SPRED2: variants seen among roughly 807,000 people sequenced by gnomAD.
SPRED2 encodes the protein sprouty related EVH1 domain containing 2, also known as sprouty-related, EVH1 domain-containing protein 2.
Under a neutral mutation model 43.0 loss-of-function variants are expected in SPRED2, and 47 were observed. The observed-to-expected ratio is 1.09, with a 90% CI of 0.87 to 1.40. The LOEUF is 1.40. Among genes scored for constraint, SPRED2 ranks in the 40% most tolerant of loss-of-function variants. The pLI, the probability that SPRED2 is intolerant of heterozygous loss-of-function variation, is 0.00. For missense variants in SPRED2, 561 were observed against 586.4 expected (o/e 0.96, Z 0.45); for synonymous variants, 225 against 225.7 (o/e 1.00, Z 0.03).
chr2:65,360,069 A>AC (rs1443414020), intron 1 of SPRED2, among the ~76,000 whole-genome samples: 1,351 of 123,158 alleles, frequency 0.011, 17 homozygotes, highest in African/African-American at 0.034. Flanking sequence ...CATCTCAAAA[A>AC]AAAAAAAAAC....
At chr2:65,316,627 G>T in intron 5 of SPRED2, 107 bp downstream of exon 5, 1 of 1,344,482 alleles carries the variant, frequency 7.4e-7, no homozygotes. Context: ...GGCAGGAGCA[G>T]GAGAGGCCTG....
chr2:65,407,995 T>G (rs1435801246), intron 1 of SPRED2, among the ~76,000 whole-genome samples: 1 of 152,200 alleles, frequency 6.6e-6, no homozygotes, highest in Non-Finnish European at 1.5e-5. Context: ...TAGAGAGGCA[T>G]TCCCTAATAG....
chr2:65,422,881 C>T (rs906088883), intron 1 of SPRED2, among the ~76,000 whole-genome samples: 2 of 152,160 alleles, frequency 1.3e-5, no homozygotes, highest in African/African-American at 4.8e-5. Flanking sequence ...TGAGCCCAGG[C>T]ACATCATTCT....
intron 1 of SPRED2, among the ~76,000 whole-genome samples, chr2:65,353,427 T>C (rs1040088310): frequency 7.9e-5 from 12 of 152,206 alleles, no homozygotes; most frequent in Non-Finnish European, 1.6e-4. Context: ...TTTCCTCCAT[T>C]ATCATGGAAG....
At chr2:65,387,037 G>A (rs1330024017) in intron 1 of SPRED2, among the ~76,000 whole-genome samples, 3 of 149,600 alleles carry the variant, frequency 2.0e-5, no homozygotes, top group Non-Finnish European at 4.4e-5. Flanking sequence ...ACACTTCAAC[G>A]TAAAGTATTC....
chr2:65,321,782 C>T (rs1673420714), intron 4 of SPRED2, among the ~76,000 whole-genome samples: 2 of 152,050 alleles, frequency 1.3e-5, no homozygotes, highest in African/African-American at 2.4e-5. Context: ...TTTTGCTATA[C>T]ATTTTTTTGA....
At chr2:65,342,369 ATATG>A (rs1468471326) in intron 2 of SPRED2, among the ~76,000 whole-genome samples, 4 of 145,136 alleles carry the variant, frequency 2.8e-5, no homozygotes, top group African/African-American at 5.0e-5. Flanking sequence ...TACGTATATT[ATATG>A]TATGTATATT....
At chr2:65,377,954 CAGA>C in intron 1 of SPRED2, 1 of 287,934 alleles carries the variant, frequency 3.5e-6, no homozygotes, top group Non-Finnish European at 7.0e-6. Flanking sequence ...TGCCTTCAGG[CAGA>C]AGCAGAGCAC....
intron 4 of SPRED2, among the ~76,000 whole-genome samples, chr2:65,330,585 T>C (rs1673782233): frequency 6.6e-6 from 1 of 152,152 alleles, no homozygotes; most frequent in African/African-American, 2.4e-5. Flanking sequence ...CCCACCACGG[T>C]GGTACATTTG....
At chr2:65,386,628 T>A (rs1675508573) in intron 1 of SPRED2, among the ~76,000 whole-genome samples, 1 of 152,200 alleles carries the variant, frequency 6.6e-6, no homozygotes, top group African/African-American at 2.4e-5. Context: ...CAAATATACA[T>A]CATCTTCATC....
Position 65,312,108 on chromosome 2 carries a change from T to C in SPRED2, c.*1393A>G. ...TTTCTTCTTTCTTCAATAAGAAGAT[T>C]TGGCTAATCCTTGCAACGTATTAGA... On this transcript the variant is annotated 3_prime_UTR_variant, in exon 6 of 6. Coordinates refer to ENST00000356388, the MANE Select transcript of SPRED2 (RefSeq NM_181784.3). The C allele has an allele frequency of 1.0e-6, 1 of 985,438 alleles. No homozygotes were observed. Among genetic ancestry groups the C allele is most frequent in the Non-Finnish European group, 1.2e-6 (1 of 829,916 alleles). 61.0% of individuals were successfully genotyped at this position (985,438 alleles called of 1,614,324 possible).
At chr2:65,316,163 A>G (rs576736118) in intron 5 of SPRED2, among the ~76,000 whole-genome samples, 92 of 152,304 alleles carry the variant, frequency 6.0e-4, no homozygotes, top group Admixed American at 1.4e-3. Flanking sequence ...ATGATTTGGG[A>G]ACTTGCTCTG....
rs758144211 is a variant in SPRED2 at position 65,313,476 on chromosome 2, G to T, written c.*25C>A. 3.0e-5 allele frequency: 47 copies of T among 1,575,448 alleles called. No homozygotes were observed. In the Admixed American group the frequency reaches 4.8e-4, roughly 16 times the overall value. On this transcript the variant is annotated 3_prime_UTR_variant, in exon 6 of 6. Coordinates refer to ENST00000356388, the MANE Select transcript of SPRED2 (RefSeq NM_181784.3). ...GACGAGTTCCCCTGTGGCTGCGGATGGAGGGAGAAGGGAGGGAAACTGAGT... is the reference window on the plus strand; with the variant it reads ...GACGAGTTCCCCTGTGGCTGCGGATTGAGGGAGAAGGGAGGGAAACTGAGT...
intron 5 of SPRED2, among the ~76,000 whole-genome samples, chr2:65,314,883 G>C (rs1489830496): frequency 6.6e-6 from 1 of 152,188 alleles, no homozygotes; most frequent in Non-Finnish European, 1.5e-5. Context: ...ATGCGGACAG[G>C]AGAAGGATAG....
At chr2:65,341,757 C>A (rs534890922) in intron 2 of SPRED2, among the ~76,000 whole-genome samples, 118 of 152,242 alleles carry the variant, frequency 7.8e-4, no homozygotes, top group Non-Finnish European at 1.4e-3. Context: ...ATTAGATAAG[C>A]TAAAGGGCCA....
intron 1 of SPRED2, among the ~76,000 whole-genome samples, chr2:65,356,411 T>C (rs1674646953): frequency 6.6e-6 from 1 of 152,112 alleles, no homozygotes; most frequent in Admixed American, 6.5e-5. Flanking sequence ...AGTGAGAGAT[T>C]TGTAGTGTTA....
intron 1 of SPRED2, among the ~76,000 whole-genome samples, chr2:65,370,845 G>C (rs544468953): frequency 3.9e-4 from 60 of 152,254 alleles, no homozygotes; most frequent in African/African-American, 1.3e-3. Context: ...AGTGATTCCA[G>C]CTGAAGTGTA....
chr2:65,310,058 G>T (rs544179258), downstream of SPRED2, among the ~76,000 whole-genome samples: 1 of 152,144 alleles, frequency 6.6e-6, no homozygotes, highest in African/African-American at 2.4e-5. Flanking sequence ...GTCTTGCAGG[G>T]AGCATGAGGG....
rs1363333491 is a variant in SPRED2, at chr2:65,322,292, ATATTT to A, written c.439-5414_439-5410del. Among the ~76,000 whole-genome samples, 9 of 70,798 alleles carry A rather than the reference ATATTT, an allele frequency of 1.3e-4. 1 individual carries two copies. In the East Asian group the frequency reaches 2.5e-3, roughly 20 times the overall value. 46.4% of individuals were successfully genotyped at this position (70,798 alleles called of 152,430 possible). On this transcript the variant is annotated intron_variant, in intron 4 of 5. Transcript: ENST00000356388. ...TCTCTATATATATATATATATATAT[ATATTT>A]TTTTTTTTTTTTTTGAGACGGAGTC...
Sources: allele counts gnomAD v4.1 joint callset (sites outside exome capture counted in the v4.1 genomes callset), GRCh38; gene constraint gnomAD v4.1.1; transcripts MANE v1.5; gene names NCBI Gene and HGNC (gene_info 2026-07-23, HGNC 2026-07-21).